The following DUSP15 variants were observed in gnomAD, a reference collection of about 807,000 sequenced individuals.
DUSP15 encodes the protein dual specificity protein phosphatase 15.
In DUSP15, 23 loss-of-function variants were observed where a neutral mutation model predicts 26.3. That is an observed-to-expected ratio of 0.87 (90% CI 0.63 to 1.24). The LOEUF is 1.24. DUSP15 is among the 50% of genes most tolerant of loss of function. DUSP15 has a pLI of 0.00. For synonymous variants in DUSP15, 143 were observed against 135.5 expected (o/e 1.06, Z -0.39); for missense variants, 364 against 320.6 (o/e 1.14, Z -1.03).
intron 6 of DUSP15, among the ~76,000 whole-genome samples, chr20:31,855,991 A>G (rs2062555191): frequency 6.6e-6 from 1 of 152,190 alleles, no homozygotes; most frequent in Non-Finnish European, 1.5e-5. Flanking sequence ...ATTTGGTTAC[A>G]TGAGTAAGTT....
chr20:31,860,967 T>A, downstream of DUSP15: 3 of 990,930 alleles, frequency 3.0e-6, no homozygotes, highest in Non-Finnish European at 3.6e-6. Flanking sequence ...GCAGGCTCCC[T>A]CGCATCCCCT....
chr20:31,869,840 T>A, intron 1 of DUSP15: 1 of 1,414,890 alleles, frequency 7.1e-7, no homozygotes, highest in Non-Finnish European at 9.2e-7. Flanking sequence ...AGCTTGGGTA[T>A]GAGAGGGGAG....
chr20:31,859,201 C>T (rs556073713), downstream of DUSP15, among the ~76,000 whole-genome samples: 22 of 152,018 alleles, frequency 1.4e-4, no homozygotes, highest in African/African-American at 5.1e-4. Context: ...CAGTGCCCCA[C>T]ACTGCCTGCC....
chr20:31,846,199 CACAG>C (rs1246469034), downstream of DUSP15, among the ~76,000 whole-genome samples: 3 of 151,112 alleles, frequency 2.0e-5, no homozygotes, highest in Non-Finnish European at 4.4e-5. Flanking sequence ...GACAGACACA[CACAG>C]ACACATAGGC....
chr20:31,848,817 T>A (rs764752081), exon 9 of DUSP15: 2 of 1,609,812 alleles, frequency 1.2e-6, no homozygotes, highest in African/African-American at 1.3e-5. Context: ...TCCGCCATGA[T>A]GAGCTGCTCC....
chr20:31,869,784 G>A (rs937224345), intron 1 of DUSP15, 187 bp from the exon 2 acceptor site: 20 of 1,445,974 alleles, frequency 1.4e-5, no homozygotes, highest in Middle Eastern at 2.5e-4. Context: ...TCTGGGGAGG[G>A]TAGGCTAGGG....
At chr20:31,851,426 C>G (rs186745569) in intron 6 of DUSP15, among the ~76,000 whole-genome samples, 1 of 151,922 alleles carries the variant, frequency 6.6e-6, no homozygotes, top group Admixed American at 6.5e-5. Flanking sequence ...GGAGCTGGAC[C>G]CGATGGGGTG....
chr20:31,857,906 T>C (rs1220950944), downstream of DUSP15, among the ~76,000 whole-genome samples: 1 of 152,066 alleles, frequency 6.6e-6, no homozygotes, highest in Non-Finnish European at 1.5e-5. Flanking sequence ...CATTAGTGCA[T>C]TGGTGGAGTG....
chr20:31,861,771 TC>T lies in DUSP15; in HGVS notation c.436-97del. ...CCCACCCTCCCGACCTTCGCCCTTC[TC>T]CGAGCGTCCCACACCTCGCTGAGCC... is the stretch of plus-strand genomic sequence containing the variant. On this transcript the variant is annotated intron_variant, in intron 6 of 6. Coordinates refer to ENST00000339738, the MANE Select transcript of DUSP15 (RefSeq NM_080611.5). 4.0e-6 allele frequency: 4 copies of T among 1,004,098 alleles called. No homozygotes were observed. In the South Asian group the frequency reaches 8.5e-5, roughly 21 times the overall value. 62.2% of individuals were successfully genotyped at this position (1,004,098 alleles called of 1,614,324 possible).
intron 6 of DUSP15, 30 bp from the exon 7 acceptor site, chr20:31,861,705 C>A: frequency 2.2e-6 from 1 of 445,302 alleles, no homozygotes; most frequent in South Asian, 2.2e-5. Flanking sequence ...TGGGCGGGGT[C>A]AAGGCCGGCG....
At chr20:31,863,097 A>T (rs928384383) in intron 5 of DUSP15, among the ~76,000 whole-genome samples, 4 of 151,754 alleles carry the variant, frequency 2.6e-5, no homozygotes, top group African/African-American at 9.7e-5. Context: ...ACAGACGTTG[A>T]TCAGATAATC....
At position 31,861,400 on chromosome 20, in the gene DUSP15, T is replaced by TCCTCACTTG. The variant is rs2123245597; in HGVS notation, c.702_*2dup. On this transcript the variant is annotated 3_prime_UTR_variant, in exon 7 of 7. Transcript: ENST00000339738. The stretch of plus-strand genomic sequence containing the variant: ...AGTGGGGAGCCACGGCTGGACTGCA[T>TCCTCACTTG]CCTCACTTGCCGCCCTTGCGGGACA... 1.3e-6 allele frequency: 2 copies of TCCTCACTTG among 1,548,856 alleles called. No individual in the cohort carries two copies. Among genetic ancestry groups the TCCTCACTTG allele is most frequent in the East Asian group, 2.5e-5 (1 of 39,900 alleles).
In DUSP15 at chr20:31,862,748, A is replaced by G; in HGVS notation, c.264-6T>C. The G allele has an allele frequency of 6.3e-7, 1 of 1,592,832 alleles. No homozygotes were observed. Among genetic ancestry groups the G allele is most frequent in the East Asian group, 2.3e-5 (1 of 44,284 alleles). On this transcript the variant is annotated splice_region_variant and splice_polypyrimidine_tract_variant and intron_variant, in intron 5 of 6. Transcript: ENST00000339738. ...TGCGAGAGATGCCTGCAAAGCTGGG[A>G]TCCCCAACAACCCCTCAGGCTTCAA... is the stretch of plus-strand genomic sequence containing the variant.
chr20:31,848,657 C>T, intron 9 of DUSP15: 1 of 1,466,704 alleles, frequency 6.8e-7, no homozygotes, highest in South Asian at 1.4e-5. Context: ...ACAGCCCCAT[C>T]CCTACCCCCA....
chr20:31,861,166 TC>T lies in DUSP15; in HGVS notation c.*236del, dbSNP rs2062639748. On this transcript the variant is annotated 3_prime_UTR_variant, in exon 7 of 7. Transcript: ENST00000339738. ...CCGCCGCCTTTAAGGGTGGGCCCCC[TC>T]CCCCAGCCCAAGGACTAAGGCACCA... The T allele has an allele frequency of 1.7e-6, 2 of 1,148,040 alleles. No individual in the cohort carries two copies. The highest frequency in any genetic ancestry group is 2.4e-5 in the South Asian group (1 of 41,994). The allele number at this position is 1,148,040 out of a possible 1,614,324, so 71.1% of individuals were successfully genotyped here. A position where few individuals can be genotyped will look rare whatever the true frequency, so the allele number is the denominator to read the frequency against.
chr20:31,846,133 GACACACAC>G (rs922590794), downstream of DUSP15, among the ~76,000 whole-genome samples: 1 of 127,408 alleles, frequency 7.8e-6, no homozygotes, highest in African/African-American at 4.0e-5. Context: ...CACAGACACA[GACACACAC>G]ACAGACACAC....
chr20:31,849,883 C>A, intron 7 of DUSP15: 2 of 1,485,238 alleles, frequency 1.3e-6, no homozygotes, highest in South Asian at 1.4e-5. Context: ...GGCTGTGGGG[C>A]GAGAGAGGGT....
At position 31,850,819 on chromosome 20, in the gene DUSP15, G is replaced by A. The variant is rs1457279578; in HGVS notation, c.427-143C>T. 68 of 851,154 alleles carry A rather than the reference G, an allele frequency of 8.0e-5. No homozygotes were observed. The East Asian group carries it at 1.6e-3, about 21-fold the overall frequency. The allele number at this position is 851,154 out of a possible 1,614,324, so 52.7% of individuals were successfully genotyped here. A position where few individuals can be genotyped will look rare whatever the true frequency, so the allele number is the denominator to read the frequency against. ...AACCAAAGGGCCTGGAGGAGGATGGGTGGTAGTAAGGAACCCTGCTGGGCC... is the reference window on the plus strand; with the variant it reads ...AACCAAAGGGCCTGGAGGAGGATGGATGGTAGTAAGGAACCCTGCTGGGCC... On this transcript the variant is annotated intron_variant, in intron 6 of 9. Coordinates refer to the DUSP15 transcript ENST00000278979.
upstream of DUSP15, chr20:31,870,611 G>T (rs746926297): frequency 1.1e-5 from 15 of 1,384,410 alleles, no homozygotes; most frequent in Non-Finnish European, 1.4e-5. The surrounding 1 kb of genome is among the most constrained non-coding windows in gnomAD (Gnocchi z 6.6). Context: ...CTCGGGTCGC[G>T]GCGGGGGGCC....
Sources: allele counts gnomAD v4.1 joint callset (sites outside exome capture counted in the v4.1 genomes callset), GRCh38; gene constraint gnomAD v4.1.1; non-coding constraint Gnocchi (gnomAD v3.1); transcripts MANE v1.5; gene names NCBI Gene and HGNC (gene_info 2026-07-23, HGNC 2026-07-21).